USP8: variants seen among roughly 807,000 people sequenced by gnomAD.
The protein encoded by USP8 is ubiquitin carboxyl-terminal hydrolase 8.
USP8 carries 27 observed loss-of-function variants against 130.0 expected under a neutral mutation model. The observed-to-expected ratio is 0.21, with a 90% confidence interval of 0.15 to 0.29. USP8 has a LOEUF of 0.29. USP8 is among the 10% of genes least tolerant of loss of function. USP8 has a pLI of 1.00. For synonymous variants in USP8, 392 were observed against 444.1 expected (o/e 0.88, Z 1.48); for missense variants, 1,029 against 1,312.2 (o/e 0.78, Z 3.33).
Position 50,489,784 on chromosome 15 carries a change from T to A in USP8, c.1891-17T>A, listed in dbSNP as rs1361632003. 78 of 1,433,116 alleles carry A rather than the reference T, an allele frequency of 5.4e-5. No individual in the cohort carries two copies. In the East Asian group the frequency reaches 8.3e-4, roughly 15 times the overall value. The allele number at this position is 1,433,116 out of a possible 1,614,324, so 88.8% of individuals were successfully genotyped here. A position where few individuals can be genotyped will look rare whatever the true frequency, so the allele number is the denominator to read the frequency against. ...AAAAAAATTTTTTTTTAATTTTTTT[T>A]ATTTTATTTTAATTAGGCTCAACGA... On this transcript the variant is annotated splice_polypyrimidine_tract_variant and intron_variant, in intron 12 of 19. Coordinates refer to ENST00000307179, the MANE Select transcript of USP8 (RefSeq NM_005154.5).
chr15:50,453,333 A>G (rs144166241), intron 4 of USP8, among the ~76,000 whole-genome samples: 37 of 152,286 alleles, frequency 2.4e-4, no homozygotes, highest in South Asian at 1.7e-3. Context: ...TCATAAATCT[A>G]TTGTTTTCCC....
chr15:50,452,029 G>T (rs1313607151), intron 4 of USP8, among the ~76,000 whole-genome samples: 1 of 152,200 alleles, frequency 6.6e-6, no homozygotes. Context: ...TGTCCTAGGG[G>T]TGGCCGCATG....
chr15:50,432,747 C>T (rs2049970874), intron 1 of USP8, among the ~76,000 whole-genome samples: 1 of 152,126 alleles, frequency 6.6e-6, no homozygotes, highest in Non-Finnish European at 1.5e-5. Context: ...AGTACCTAAC[C>T]TTACTATGTG....
chr15:50,438,061 A>G (rs1007440840), intron 1 of USP8, among the ~76,000 whole-genome samples: 1 of 152,242 alleles, frequency 6.6e-6, no homozygotes, highest in Non-Finnish European at 1.5e-5. Flanking sequence ...ACTAATGTGC[A>G]CAGGGTTAGA....
chr15:50,437,283 T>C (rs2050119409), intron 1 of USP8, among the ~76,000 whole-genome samples: 1 of 152,208 alleles, frequency 6.6e-6, no homozygotes, highest in Non-Finnish European at 1.5e-5. Context: ...GCTCCTTATA[T>C]GTATCTCCCT....
At chr15:50,462,228 GA>G in intron 5 of USP8, 51 bp from the exon 6 acceptor site, 1 of 1,524,052 alleles carries the variant, frequency 6.6e-7, no homozygotes. Context: ...TATTAAAGTT[GA>G]ATTTTTTGTG....
chr15:50,438,404 C>T (rs1283128182), intron 1 of USP8, among the ~76,000 whole-genome samples: 2 of 152,128 alleles, frequency 1.3e-5, no homozygotes, highest in African/African-American at 2.4e-5. Flanking sequence ...GCCAATATGA[C>T]GAAACCCCGT....
chr15:50,424,762 T>C, intron 1 of USP8: 1 of 347,892 alleles, frequency 2.9e-6, no homozygotes, highest in South Asian at 1.5e-4. Flanking sequence ...AAAGGTGGCT[T>C]TGACCAATCT....
chr15:50,492,577 A>T, intron 14 of USP8, 124 bp from the exon 15 acceptor site: 1 of 897,804 alleles, frequency 1.1e-6, no homozygotes, highest in Non-Finnish European at 1.7e-6. Flanking sequence ...TTATGAGTTA[A>T]CATATTAACT....
intron 15 of USP8, chr15:50,493,236 G>T: frequency 3.9e-6 from 2 of 507,526 alleles, no homozygotes; most frequent in Admixed American, 4.5e-5. Flanking sequence ...CCTCTTTAAA[G>T]GCCCCATCTC....
chr15:50,433,404 C>G (rs1174859872), intron 1 of USP8, among the ~76,000 whole-genome samples: 1 of 152,176 alleles, frequency 6.6e-6, no homozygotes. Flanking sequence ...ACAAAGACAA[C>G]TTTTGCTTTC....
rs2052237524 is a variant in USP8, at chr15:50,493,058, A to T, written c.2447+145A>T. 4 of 881,920 alleles carry T rather than the reference A, an allele frequency of 4.5e-6. No individual in the cohort carries two copies. In the Admixed American group the frequency reaches 6.0e-5, roughly 13 times the overall value. The allele number at this position is 881,920 out of a possible 1,614,324, so 54.6% of individuals were successfully genotyped here. On this transcript the variant is annotated intron_variant, in intron 15 of 19. Transcript: ENST00000307179. The stretch of plus-strand genomic sequence containing the variant: ...AAAGAACAAAAATTTATTTTCTCTT[A>T]GTTCTTGACTGGGAAGGCCATCGTC...
In USP8 at chr15:50,490,305, C is replaced by T. The variant is rs946535091; in HGVS notation, c.2014C>T (p.Pro672Ser). The T allele has an allele frequency of 1.6e-5, 26 of 1,613,370 alleles. No individual in the cohort carries two copies. The highest frequency in any genetic ancestry group is 2.1e-5 in the Non-Finnish European group (25 of 1,179,850). ...ITGTFRYYHS[P>S]TNTVHMYPPE... ...TGGAACCTTTCGTTATTATCATTCA[C>T]CCACCAACACTGTTCATATGTACCC... The change falls in exon 14 of 20, where the codon CCC (proline) becomes TCC (serine). Residue 672 changes from proline (P) to serine (S), a missense_variant. By Grantham distance (74) the Pro-to-Ser change is moderately conservative. Coordinates refer to ENST00000307179, the MANE Select transcript of USP8 (RefSeq NM_005154.5).
intron 8 of USP8, among the ~76,000 whole-genome samples, chr15:50,475,655 T>C (rs1270044137): frequency 6.6e-6 from 1 of 152,142 alleles, no homozygotes; most frequent in Admixed American, 6.6e-5. Flanking sequence ...CAGGCTGGAG[T>C]GCAGTGGCGC....
At chr15:50,476,012 C>A (rs1024467571) in intron 8 of USP8, among the ~76,000 whole-genome samples, 1 of 152,162 alleles carries the variant, frequency 6.6e-6, no homozygotes, top group East Asian at 1.9e-4. Flanking sequence ...TGGGAGTTTT[C>A]CTTAAGGAGG....
chr15:50,424,541 C>T (rs2049632651), intron 1 of USP8, 27 bp downstream of exon 1: 1 of 398,514 alleles, frequency 2.5e-6, no homozygotes, highest in Non-Finnish European at 4.4e-6. Context: ...GGCCCTAGCA[C>T]CTGTTCTCTG....
intron 10 of USP8, among the ~76,000 whole-genome samples, chr15:50,480,172 T>C (rs1019103065): frequency 6.6e-6 from 1 of 152,218 alleles, no homozygotes; most frequent in African/African-American, 2.4e-5. Context: ...GTACACAGTA[T>C]TCTCAAGAAA....
At chr15:50,497,320 C>T in intron 18 of USP8, 89 bp downstream of exon 18, 4 of 1,458,598 alleles carry the variant, frequency 2.7e-6, no homozygotes, top group Non-Finnish European at 3.6e-6. Context: ...TACTGCCTGC[C>T]ATGGGCACAT....
At chr15:50,483,562 A>G (rs1036865111) in intron 11 of USP8, among the ~76,000 whole-genome samples, 2 of 152,254 alleles carry the variant, frequency 1.3e-5, no homozygotes, top group African/African-American at 4.8e-5. Flanking sequence ...TGGGAGGCCT[A>G]GACGAGCGGA....
Sources: gnomAD v4.1 joint callset for allele counts (sites outside exome capture counted in the v4.1 genomes callset) on GRCh38, gnomAD v4.1.1 for gene constraint, MANE v1.5 for transcripts, NCBI Gene and HGNC (gene_info 2026-07-23, HGNC 2026-07-21) for gene names.